Variants in XYLT1 observed in about 807,000 individuals in gnomAD.
XYLT1 encodes xylosyltransferase 1.
In XYLT1, 36 loss-of-function variants were observed where a neutral mutation model predicts 91.3. The observed-to-expected ratio is 0.39, with a 90% CI of 0.30 to 0.52. The LOEUF is 0.52. Ranked by LOEUF, XYLT1 falls within the 20% of genes least tolerant of loss-of-function variation. The pLI is 0.68. For missense variants in XYLT1, 1,242 were observed against 1,284.5 expected (o/e 0.97, Z 0.51); for synonymous variants, 588 against 532.0 (o/e 1.11, Z -1.45).
At chr16:17,200,231 A>C (rs1464636413) in intron 4 of XYLT1, among the ~76,000 whole-genome samples, 1 of 152,096 alleles carries the variant, frequency 6.6e-6, no homozygotes, top group Non-Finnish European at 1.5e-5. Context: ...AAAAAAAGAA[A>C]AAAAACCCCC....
At chr16:17,393,765 A>T (rs933507028) in intron 1 of XYLT1, among the ~76,000 whole-genome samples, 13 of 149,510 alleles carry the variant, frequency 8.7e-5, no homozygotes, top group Non-Finnish European at 1.5e-4. Flanking sequence ...TTAATTAATT[A>T]ATTATTATTA....
chr16:17,162,440 C>A (rs2031577997), intron 5 of XYLT1, among the ~76,000 whole-genome samples: 1 of 151,490 alleles, frequency 6.6e-6, no homozygotes, highest in South Asian at 2.1e-4. Context: ...TCACTTCACT[C>A]TCATTTTACG....
chr16:17,195,435 GT>G (rs1326232170), intron 5 of XYLT1, among the ~76,000 whole-genome samples: 1 of 150,862 alleles, frequency 6.6e-6, no homozygotes, highest in Non-Finnish European at 1.5e-5. Context: ...CTTTTTTTTT[GT>G]TGTTTTTTGT....
intron 2 of XYLT1, among the ~76,000 whole-genome samples, chr16:17,281,493 AC>A (rs1309932533): frequency 6.6e-6 from 1 of 151,866 alleles, no homozygotes; most frequent in Non-Finnish European, 1.5e-5. Context: ...TTAAACATAA[AC>A]ATTTATGTTG....
At chr16:17,252,984 C>T (rs927572346) in intron 3 of XYLT1, among the ~76,000 whole-genome samples, 7 of 152,158 alleles carry the variant, frequency 4.6e-5, no homozygotes, top group African/African-American at 7.2e-5. Context: ...TTCCCTCCAC[C>T]CCTGTCTCCA....
intron 1 of XYLT1, among the ~76,000 whole-genome samples, chr16:17,372,052 G>C (rs778996814): frequency 2.6e-5 from 4 of 152,150 alleles, no homozygotes; most frequent in Admixed American, 6.5e-5. Flanking sequence ...AAATGGCTGT[G>C]GGGGAGGGGA....
Position 17,105,465 on chromosome 16 carries a change from C to G in XYLT1, c.*3230G>C, listed in dbSNP as rs1280314056. On this transcript the variant is annotated 3_prime_UTR_variant, in exon 12 of 12. Transcript: ENST00000261381. ...AAGGGAGAAAGCAGCGCGCTTCTCA[C>G]AACACGGGGACCTTGGGAATTGCTC... The G allele has an allele frequency of 6.6e-6, 1 of 152,198 alleles. No individual in the cohort carries two copies. Among genetic ancestry groups the G allele is most frequent in the Non-Finnish European group, 1.5e-5 (1 of 68,036 alleles). The allele number at this position is 152,198 out of a possible 1,614,324, so 9.4% of individuals were successfully genotyped here. A position where few individuals can be genotyped will look rare whatever the true frequency, so the allele number is the denominator to read the frequency against.
At chr16:17,211,485 G>C (rs1230467071) in intron 3 of XYLT1, among the ~76,000 whole-genome samples, 1 of 152,116 alleles carries the variant, frequency 6.6e-6, no homozygotes, top group East Asian at 1.9e-4. Flanking sequence ...CTGTCCTTTT[G>C]ATTCTTACTC....
At chr16:17,322,468 G>C (rs2034738563) in intron 2 of XYLT1, among the ~76,000 whole-genome samples, 1 of 152,150 alleles carries the variant, frequency 6.6e-6, no homozygotes, top group Admixed American at 6.5e-5. Flanking sequence ...TCATGCAGCT[G>C]AGATAGGGTT....
rs145615486 is a variant in XYLT1, at chr16:17,117,845, A to G, written c.2358T>C (p.Asp786=). Residue 786 remains aspartate (D), a synonymous_variant, in exon 11 of 12, where the codon GAT becomes GAC. Transcript: ENST00000261381. ...AGGTGGCTGCGATGACATTGACGGG[A>G]TCCACCCAAATGACGGTCACGGTCA... ...PNVTVTVIWV[D]PVNVIAATYD... 334 of 1,613,916 alleles carry G rather than the reference A, an allele frequency of 2.1e-4. 1 individual carries two copies. The highest frequency in any genetic ancestry group is 2.6e-4 in the Non-Finnish European group (304 of 1,180,008).
At chr16:17,121,322 C>G (rs2030047830) in intron 10 of XYLT1, among the ~76,000 whole-genome samples, 1 of 152,236 alleles carries the variant, frequency 6.6e-6, no homozygotes. Context: ...GACAAACAAC[C>G]TGGATCTTGT....
rs541825535 is a variant in XYLT1 at position 17,215,872 on chromosome 16, G to A, written c.914-15218C>T. The stretch of plus-strand genomic sequence containing the variant: ...GGCCGACAGCAGAGGCATCACACAG[G>A]GTCTTGGGTACCACCTTAAGGACTG... On this transcript the variant is annotated intron_variant, in intron 3 of 11. Transcript: ENST00000261381. 3.9e-5 allele frequency among the ~76,000 whole-genome samples: 6 copies of A among 152,188 alleles called. No individual in the cohort carries two copies. In the South Asian group the frequency reaches 1.0e-3, roughly 26 times the overall value.
chr16:17,390,581 C>T (rs2035804207), intron 1 of XYLT1, among the ~76,000 whole-genome samples: 1 of 152,204 alleles, frequency 6.6e-6, no homozygotes, highest in African/African-American at 2.4e-5. Flanking sequence ...TCTAACCAAC[C>T]CCCATCTTGC....
At chr16:17,147,709 G>A (rs1597152223) in intron 6 of XYLT1, among the ~76,000 whole-genome samples, 1 of 152,328 alleles carries the variant, frequency 6.6e-6, no homozygotes. Context: ...CAGAGGCCCA[G>A]CAACAGGGTA....
chr16:17,191,681 C>A (rs2032313345), intron 5 of XYLT1, among the ~76,000 whole-genome samples: 1 of 152,212 alleles, frequency 6.6e-6, no homozygotes, highest in Admixed American at 6.5e-5. Context: ...GTAGAGAAGC[C>A]CTGGCCACCT....
intron 2 of XYLT1, among the ~76,000 whole-genome samples, chr16:17,330,405 A>C (rs2034876918): frequency 1.3e-5 from 2 of 152,036 alleles, no homozygotes; most frequent in African/African-American, 4.8e-5. Context: ...ACCACCACCC[A>C]TACATATCAA....
chr16:17,155,077 G>A (rs1229809290), intron 6 of XYLT1, among the ~76,000 whole-genome samples: 5 of 152,182 alleles, frequency 3.3e-5, no homozygotes, highest in Non-Finnish European at 5.9e-5. Context: ...GAGAAGCAGA[G>A]TAGCTGCCTC....
rs770466190 is a variant in XYLT1 at position 17,358,044 on chromosome 16, G to A, written c.370C>T (p.His124Tyr). ...TCCAGGGTGATGAGCGGACTTGGGT[G>A]TGGATCCTGTAGGATGAAAGGAGAA... ...GALPARALDPHPSPLITLETQ... is the reference protein window; with the variant it reads ...GALPARALDPYPSPLITLETQ... Residue 124 changes from histidine to tyrosine, a missense_variant, in exon 2 of 12, where the codon CAC (histidine) becomes TAC (tyrosine). This residue lies in a region of XYLT1 where 437 missense variants were observed against 411.5 expected (regional missense o/e 1.06). Coordinates refer to ENST00000261381, the MANE Select transcript of XYLT1 (RefSeq NM_022166.4). 6.2e-7 allele frequency: 1 copy of A among 1,613,508 alleles called. No individual in the cohort carries two copies. The highest frequency in any genetic ancestry group is 2.2e-5 in the East Asian group (1 of 44,848).
chr16:17,227,203 G>T (rs2033081524), intron 3 of XYLT1: 1 of 152,336 alleles, frequency 6.6e-6, no homozygotes, highest in Non-Finnish European at 1.5e-5. Context: ...CTGGTCATGG[G>T]GCAATGGGGG....
Sources: allele counts gnomAD v4.1 joint callset (sites outside exome capture counted in the v4.1 genomes callset), GRCh38; gene constraint gnomAD v4.1.1; regional missense constraint gnomAD v4.1.1; transcripts MANE v1.5; gene names NCBI Gene and HGNC (gene_info 2026-07-23, HGNC 2026-07-21).